The following DGKI variants were observed in gnomAD, a reference collection of about 807,000 sequenced individuals.
DGKI encodes DAG kinase iota.
In DGKI, 55 loss-of-function variants were observed where a neutral mutation model predicts 147.5. The observed-to-expected ratio is 0.37, with a 90% CI of 0.30 to 0.47. The LOEUF (loss-of-function observed/expected upper bound fraction) is 0.47. Ranked by LOEUF, DGKI falls within the 20% of genes least tolerant of loss-of-function variation. The probability of loss-of-function intolerance (pLI) is 1.00; values close to 1 mark genes in which losing one functional copy is unlikely to be tolerated. For synonymous variants in DGKI, 469 were observed against 477.1 expected (o/e 0.98, Z 0.22); for missense variants, 1,007 against 1,323.8 (o/e 0.76, Z 3.71).
intron 1 of DGKI, among the ~76,000 whole-genome samples, chr7:137,816,052 A>G (rs1365774199): frequency 6.6e-6 from 1 of 152,186 alleles, no homozygotes; most frequent in Non-Finnish European, 1.5e-5. Context: ...AATCCTTTTC[A>G]TGTTAGCCTT....
intron 32 of DGKI, among the ~76,000 whole-genome samples, chr7:137,394,565 G>A (rs1046544810): frequency 6.6e-5 from 10 of 152,138 alleles, no homozygotes; most frequent in East Asian, 1.9e-4. Flanking sequence ...TAAACAACTC[G>A]TGGTGCAGCT....
At chr7:137,737,432 GTAAC>G (rs974429339) in intron 1 of DGKI, among the ~76,000 whole-genome samples, 5 of 151,278 alleles carry the variant, frequency 3.3e-5, no homozygotes, top group Non-Finnish European at 5.9e-5. Context: ...ATTAATAAAA[GTAAC>G]TAACATCTTA....
At chr7:137,720,424 AT>A (rs1369187224) in intron 1 of DGKI, among the ~76,000 whole-genome samples, 1 of 151,504 alleles carries the variant, frequency 6.6e-6, no homozygotes, top group Non-Finnish European at 1.5e-5. Context: ...CGCCTGGCTA[AT>A]TTTTTTGTAT....
intron 21 of DGKI, among the ~76,000 whole-genome samples, chr7:137,491,397 C>T (rs1815758297): frequency 6.6e-6 from 1 of 152,168 alleles, no homozygotes; most frequent in South Asian, 2.1e-4. Flanking sequence ...CATTGGAAAA[C>T]TCATCTCAAT....
chr7:137,763,715 A>T (rs1795927409), intron 1 of DGKI, among the ~76,000 whole-genome samples: 1 of 152,232 alleles, frequency 6.6e-6, no homozygotes, highest in South Asian at 2.1e-4. Flanking sequence ...CTGTATCTAG[A>T]ATGTAATTCA....
intron 2 of DGKI, among the ~76,000 whole-genome samples, chr7:137,683,140 T>C (rs1307483107): frequency 2.6e-5 from 4 of 152,148 alleles, no homozygotes; most frequent in Non-Finnish European, 5.9e-5. Context: ...TCTTGTTTTC[T>C]TCTGCTCTGA....
At chr7:137,716,902 T>C (rs992406840) in intron 1 of DGKI, among the ~76,000 whole-genome samples, 1 of 152,226 alleles carries the variant, frequency 6.6e-6, no homozygotes, top group Admixed American at 6.5e-5. Flanking sequence ...CCCGTGTTTT[T>C]TACTCCATTC....
rs929914432 is a variant in DGKI at position 137,384,474 on chromosome 7, G to T, written c.*6746C>A. On this transcript the variant is annotated 3_prime_UTR_variant, in exon 33 of 33. Transcript: ENST00000614521. ...GATATAAAACATCCTTGAAGGCAAT[G>T]ATGGAAAATGACTTACTTAGAAAAC... 6.6e-5 allele frequency: 10 copies of T among 151,700 alleles called. No homozygotes were observed. The highest frequency in any genetic ancestry group is 2.2e-4 in the African/African-American group (9 of 41,326). 9.4% of individuals were successfully genotyped at this position (151,700 alleles called of 1,614,324 possible).
At chr7:137,568,602 T>C (rs1292559639) in intron 19 of DGKI, among the ~76,000 whole-genome samples, 1 of 152,222 alleles carries the variant, frequency 6.6e-6, no homozygotes. Flanking sequence ...TGTATTTATG[T>C]CCCTGGCTTG....
At chr7:137,722,094 GCCCAAGAAGGGGAAGC>G (rs1794574361) in intron 1 of DGKI, 1 of 1,598,262 alleles carries the variant, frequency 6.3e-7, no homozygotes, top group Non-Finnish European at 8.5e-7. Flanking sequence ...AGGCTAAAAA[GCCCAAGAAGGGGAAGC>G]CCCATTGCAG....
chr7:137,639,463 G>T lies in DGKI; in HGVS notation c.804+6009C>A, dbSNP rs921714662. Among the ~76,000 whole-genome samples the T allele has an allele frequency of 7.2e-5, 11 of 152,094 alleles. No individual in the cohort carries two copies. In the East Asian group the frequency reaches 2.1e-3, roughly 29 times the overall value. On this transcript the variant is annotated intron_variant, in intron 6 of 32. Coordinates refer to ENST00000614521, the MANE Select transcript of DGKI (RefSeq NM_001321708.2). ...ACCTTGTGTACCTGGAACTTTTTGG[G>T]ACCATGTCCCCCATCATGATCAGGG...
rs1463745513 is a variant in DGKI, at chr7:137,383,349, G to T, written c.*7871C>A. The stretch of plus-strand genomic sequence containing the variant: ...GCATAGGTGTGTTTGTGTAAGCAAG[G>T]CAACTTTTTAGGGTCATGAAATCCC... On this transcript the variant is annotated 3_prime_UTR_variant, in exon 33 of 33. Transcript: ENST00000614521. 1 of 151,688 alleles carries T rather than the reference G, an allele frequency of 6.6e-6. No homozygotes were observed. Among genetic ancestry groups the T allele is most frequent in the Non-Finnish European group, 1.5e-5 (1 of 67,862 alleles). The allele number at this position is 151,688 out of a possible 1,614,324, so 9.4% of individuals were successfully genotyped here.
rs1018519518 is a variant in DGKI, at chr7:137,846,140, C to G, written c.401+322G>C. ...ACCCTTTCTCTCTCTCTCTTTCTCT[C>G]TCTCTCTCTCTCTCTCTCTCTCACA... On this transcript the variant is annotated intron_variant, in intron 1 of 32. Transcript: ENST00000614521. This position sits in a 1 kb window ranked among gnomAD's most constrained non-coding sequence, Gnocchi z 4.0. Among the ~76,000 whole-genome samples, 1 of 132,192 alleles carries G rather than the reference C, an allele frequency of 7.6e-6. No homozygotes were observed. Among genetic ancestry groups the G allele is most frequent in the African/African-American group, 3.2e-5 (1 of 30,840 alleles). The allele number at this position is 132,192 out of a possible 152,430, so 86.7% of individuals were successfully genotyped here. A position where few individuals can be genotyped will look rare whatever the true frequency, so the allele number is the denominator to read the frequency against.
intron 32 of DGKI, 40 bp downstream of exon 32, chr7:137,395,558 C>T (rs373232192): frequency 5.0e-6 from 8 of 1,584,302 alleles, no homozygotes; most frequent in South Asian, 1.1e-5. Flanking sequence ...CCTGCGATCT[C>T]GCCCAGCGGG....
At chr7:137,786,584 C>T (rs1796676630) in intron 1 of DGKI, among the ~76,000 whole-genome samples, 1 of 151,792 alleles carries the variant, frequency 6.6e-6, no homozygotes, top group Admixed American at 6.6e-5. Context: ...CATCAAAATA[C>T]CACCATCATT....
chr7:137,546,094 C>A (rs1456246184), intron 20 of DGKI: 3 of 527,208 alleles, frequency 5.7e-6, no homozygotes, highest in African/African-American at 3.8e-5. Flanking sequence ...CACCGAACAG[C>A]GAAGGAAAGG....
At chr7:137,813,458 G>C (rs1288522514) in intron 1 of DGKI, among the ~76,000 whole-genome samples, 1 of 152,156 alleles carries the variant, frequency 6.6e-6, no homozygotes, top group Non-Finnish European at 1.5e-5. Flanking sequence ...TGTCACACTG[G>C]GCGTGGCAGG....
chr7:137,406,521 G>A (rs558328987), intron 30 of DGKI, among the ~76,000 whole-genome samples: 273 of 152,102 alleles, frequency 1.8e-3, no homozygotes, highest in Non-Finnish European at 2.9e-3. Flanking sequence ...CCTTTCTACC[G>A]TATTTCAGAC....
chr7:137,711,026 C>T (rs963032803), intron 1 of DGKI, among the ~76,000 whole-genome samples: 1 of 152,148 alleles, frequency 6.6e-6, no homozygotes, highest in Non-Finnish European at 1.5e-5. Flanking sequence ...TCATCCCCGT[C>T]CTCCTCCTCC....
Sources: gnomAD v4.1 joint callset for allele counts (sites outside exome capture counted in the v4.1 genomes callset) on GRCh38, gnomAD v4.1.1 for gene constraint, Gnocchi (gnomAD v3.1) non-coding constraint, MANE v1.5 for transcripts, NCBI Gene and HGNC (gene_info 2026-07-23, HGNC 2026-07-21) for gene names.